Variants in MECOM observed in about 807,000 individuals in gnomAD.
MECOM encodes MDS1 and EVI1 complex locus.
A neutral mutation model predicts 116.3 loss-of-function variants in MECOM; 13 were observed. The observed-to-expected ratio is 0.11, with a 90% confidence interval of 0.07 to 0.18. The LOEUF (loss-of-function observed/expected upper bound fraction) is 0.18. Ranked by LOEUF, MECOM falls within the 10% of genes least tolerant of loss-of-function variation. MECOM has a pLI of 1.00. For synonymous variants in MECOM, 528 were observed against 535.2 expected, an observed-to-expected ratio of 0.99 and a Z score of 0.19; for missense variants, 1,299 against 1,509.0, an observed-to-expected ratio of 0.86 and a Z score of 2.31.
chr3:169,213,052 T>G (rs1352641093), intron 2 of MECOM, among the ~76,000 whole-genome samples: 1 of 151,084 alleles, frequency 6.6e-6, no homozygotes, highest in Non-Finnish European at 1.5e-5. Flanking sequence ...TTACCCCCAC[T>G]TTGTTACTTC....
rs968303264 is a variant in MECOM, at chr3:169,298,973, C to G, written c.375+82214G>C. On this transcript the variant is annotated intron_variant, in intron 2 of 16. Coordinates refer to ENST00000651503, the MANE Select transcript of MECOM (RefSeq NM_004991.4). ...ACTTAGAAACGAATCCAGATACCAC[C>G]ATGGATATAAGATTCTGGGAACTAC... Among the ~76,000 whole-genome samples the G allele has an allele frequency of 7.2e-5, 11 of 152,220 alleles. 1 individual carries two copies. The South Asian group carries it at 1.7e-3, about 23-fold the overall frequency.
At chr3:169,661,099 TTTTAAGACGGCATCG>T (rs1776220819) in intron 1 of MECOM, among the ~76,000 whole-genome samples, 1 of 152,210 alleles carries the variant, frequency 6.6e-6, no homozygotes, top group African/African-American at 2.4e-5. Context: ...TGCGGGAATA[TTTTAAGACGGCATCG>T]TATGTCTTGC....
Position 169,089,025 on chromosome 3 carries a change from G to A in MECOM, c.3560C>T (p.Pro1187Leu), listed in dbSNP as rs376191747. 79 of 1,600,636 alleles carry A rather than the reference G, an allele frequency of 4.9e-5. No individual in the cohort carries two copies. Among genetic ancestry groups the A allele is most frequent in the Middle Eastern group, 1.7e-4 (1 of 6,010 alleles). Residue 1187 changes from proline (P) to leucine (L), a missense_variant, in exon 16 of 17, where the codon CCG (proline) becomes CTG (leucine). Pro to Leu is a moderately conservative substitution (Grantham distance 98). This residue lies in a region of MECOM where 273 missense variants were observed against 289.3 expected (regional missense o/e 0.94). Transcript: ENST00000651503. ...CTGCGATTTGGACTTTCTGTGTAAC[G>A]GCTGCTTAAGTTCCTCTGGCACATG... ...TSHVPEELKQ[P>L]LHRKSKSQAY...
At chr3:169,412,959 A>G (rs17557740) in intron 1 of MECOM, among the ~76,000 whole-genome samples, 6,976 of 152,330 alleles carry the variant, frequency 0.046, 189 homozygotes, top group South Asian at 0.064. Context: ...CATGGTCAAG[A>G]TAACACCAGT....
chr3:169,219,331 C>A (rs770627961), intron 2 of MECOM, among the ~76,000 whole-genome samples: 4 of 152,030 alleles, frequency 2.6e-5, no homozygotes, highest in Admixed American at 2.0e-4. Context: ...ATGGTGAAAC[C>A]GCGTATCCAC....
At chr3:169,581,393 G>A (rs892761631) in intron 1 of MECOM, among the ~76,000 whole-genome samples, 7 of 151,850 alleles carry the variant, frequency 4.6e-5, no homozygotes, top group Non-Finnish European at 7.4e-5. Context: ...CTACCTAATG[G>A]GCCTAATCAG....
intron 2 of MECOM, among the ~76,000 whole-genome samples, chr3:169,271,596 C>T (rs575903582): frequency 2.0e-4 from 31 of 152,036 alleles, no homozygotes; most frequent in Non-Finnish European, 3.8e-4. Flanking sequence ...CATCACACAC[C>T]GGGGCCTGTG....
At chr3:169,289,728 C>T (rs74785887) in intron 2 of MECOM, among the ~76,000 whole-genome samples, 3 of 152,000 alleles carry the variant, frequency 2.0e-5, no homozygotes, top group Admixed American at 1.3e-4. Context: ...TTGTAGTGCT[C>T]GGGCAGGGGA....
chr3:169,449,386 A>G (rs1429537052), intron 1 of MECOM, among the ~76,000 whole-genome samples: 1 of 152,168 alleles, frequency 6.6e-6, no homozygotes, highest in Non-Finnish European at 1.5e-5. Context: ...TTATTCATTT[A>G]TTAGGGCAAT....
At position 169,620,699 on chromosome 3, in the gene MECOM, G is replaced by A. The variant is rs1019175746; in HGVS notation, c.37+42637C>T. 5.9e-5 allele frequency among the ~76,000 whole-genome samples: 9 copies of A among 152,288 alleles called. No homozygotes were observed. In the East Asian group the frequency reaches 1.5e-3, roughly 26 times the overall value. ...GCCGATAATACCTATTGTTACCTTC[G>A]TCAAGGTGCAGCCAGGCACCAGGCT... On this transcript the variant is annotated intron_variant, in intron 1 of 16. Coordinates refer to ENST00000651503, the MANE Select transcript of MECOM (RefSeq NM_004991.4).
chr3:169,219,848 T>C (rs2149493762), intron 2 of MECOM, among the ~76,000 whole-genome samples: 1 of 149,336 alleles, frequency 6.7e-6, no homozygotes, highest in African/African-American at 2.4e-5. Context: ...CCTAATTTTT[T>C]ATCAAGAATA....
chr3:169,566,988 A>G (rs1763321558), intron 1 of MECOM, among the ~76,000 whole-genome samples: 1 of 152,240 alleles, frequency 6.6e-6, no homozygotes, highest in African/African-American at 2.4e-5. Flanking sequence ...TCTGGGCTCA[A>G]CTTCCTCATA....
At chr3:169,548,140 T>G (rs1418989139) in intron 1 of MECOM, among the ~76,000 whole-genome samples, 1 of 152,010 alleles carries the variant, frequency 6.6e-6, no homozygotes, top group Non-Finnish European at 1.5e-5. Flanking sequence ...AGTCTTAAAT[T>G]AACTACTAAC....
At chr3:169,272,112 CATTGAT>C (rs1207711926) in intron 2 of MECOM, among the ~76,000 whole-genome samples, 1 of 152,170 alleles carries the variant, frequency 6.6e-6, no homozygotes, top group Non-Finnish European at 1.5e-5. Flanking sequence ...AGGGTTCAAC[CATTGAT>C]CTTCGCTTAT....
chr3:169,265,155 T>C (rs188650292), intron 2 of MECOM, among the ~76,000 whole-genome samples: 200 of 152,318 alleles, frequency 1.3e-3, no homozygotes, highest in Non-Finnish European at 2.4e-3. Flanking sequence ...AATAATGGCA[T>C]TGTTGAGTTA....
At chr3:169,517,669 A>G (rs987276668) in intron 1 of MECOM, among the ~76,000 whole-genome samples, 1 of 152,224 alleles carries the variant, frequency 6.6e-6, no homozygotes, top group African/African-American at 2.4e-5. Flanking sequence ...ATTACAGTAG[A>G]AGAACCCCTA....
At position 169,344,048 on chromosome 3, in the gene MECOM, G is replaced by T. The variant is rs561478128; in HGVS notation, c.375+37139C>A. Reference sequence around the variant, plus strand: ...ATAATATAAAATCTCATTGCATTTTGATAAATATTATAAATATTAGTATTT... The same window carrying T: ...ATAATATAAAATCTCATTGCATTTTTATAAATATTATAAATATTAGTATTT... On this transcript the variant is annotated intron_variant, in intron 2 of 16. Coordinates refer to ENST00000651503, the MANE Select transcript of MECOM (RefSeq NM_004991.4). 2.6e-5 allele frequency among the ~76,000 whole-genome samples: 4 copies of T among 152,134 alleles called. No individual in the cohort carries two copies. The East Asian group carries it at 7.7e-4, about 29-fold the overall frequency.
intron 2 of MECOM, among the ~76,000 whole-genome samples, chr3:169,302,552 GAACA>G (rs1716926683): frequency 6.6e-6 from 1 of 152,164 alleles, no homozygotes; most frequent in Non-Finnish European, 1.5e-5. Context: ...GAAAAACTAT[GAACA>G]AATATAAATT....
intron 1 of MECOM, among the ~76,000 whole-genome samples, chr3:169,562,168 G>GAAAAAAAAAAAAAAAAAAAAAAAAA (rs1762729160): frequency 1.1e-5 from 1 of 93,410 alleles, no homozygotes; most frequent in African/African-American, 4.1e-5. Flanking sequence ...AAAAAGGAAA[G>GAAAAAAAAAAAAAAAAAAAAAAAAA]AAAGAAAGAA....
Sources: allele counts gnomAD v4.1 joint callset (sites outside exome capture counted in the v4.1 genomes callset), GRCh38; gene constraint gnomAD v4.1.1; regional missense constraint gnomAD v4.1.1; transcripts MANE v1.5; gene names NCBI Gene and HGNC (gene_info 2026-07-23, HGNC 2026-07-21).